The following PTPRD variants were observed in gnomAD, a reference collection of about 807,000 sequenced individuals.
The protein encoded by PTPRD is protein tyrosine phosphatase receptor type D.
Under a neutral mutation model 214.5 loss-of-function variants are expected in PTPRD, and 34 were observed. The ratio of observed to expected loss-of-function variants is 0.16; its 90% CI spans 0.12 to 0.21. The LOEUF (loss-of-function observed/expected upper bound fraction) is 0.21. Among genes scored for constraint, PTPRD ranks in the 10% least tolerant of loss-of-function variants. The pLI, the probability that PTPRD is intolerant of heterozygous loss-of-function variation, is 1.00. For missense variants in PTPRD, 2,545 were observed against 2,398.7 expected (o/e 1.06, Z -1.27); for synonymous variants, 1,128 against 845.7 (o/e 1.33, Z -5.79).
chr9:8,961,948 A>AAT (rs2099160946), intron 11 of PTPRD, among the ~76,000 whole-genome samples: 1 of 152,110 alleles, frequency 6.6e-6, no homozygotes, highest in East Asian at 1.9e-4. Flanking sequence ...ATTATATAGG[A>AAT]ATATATATGA....
intron 11 of PTPRD, among the ~76,000 whole-genome samples, chr9:8,944,289 A>C (rs1254631624): frequency 6.6e-6 from 1 of 152,112 alleles, no homozygotes; most frequent in African/African-American, 2.4e-5. Context: ...GGGAATGCTC[A>C]TACACTGCTG....
chr9:9,702,352 A>C (rs2097523321), intron 7 of PTPRD, among the ~76,000 whole-genome samples: 1 of 152,166 alleles, frequency 6.6e-6, no homozygotes. Flanking sequence ...CAATAGTGTG[A>C]GATCACAACA....
intron 2 of PTPRD, among the ~76,000 whole-genome samples, chr9:10,437,941 C>T (rs1321599776): frequency 6.8e-6 from 1 of 147,804 alleles, no homozygotes; most frequent in Non-Finnish European, 1.5e-5. Flanking sequence ...CAAAAATGGA[C>T]ATACACACAA....
intron 3 of PTPRD, among the ~76,000 whole-genome samples, chr9:10,260,415 T>C (rs182983216): frequency 2.6e-5 from 4 of 152,336 alleles, no homozygotes; most frequent in East Asian, 3.9e-4. Flanking sequence ...TCAGTTTTTT[T>C]TGTCAACAGA....
intron 10 of PTPRD, among the ~76,000 whole-genome samples, chr9:9,089,741 G>A (rs1234619146): frequency 6.6e-6 from 1 of 152,144 alleles, no homozygotes; most frequent in African/African-American, 2.4e-5. Flanking sequence ...GAAGGGTAAT[G>A]TCAACATACT....
At chr9:9,608,465 A>G (rs569341346) in intron 7 of PTPRD, among the ~76,000 whole-genome samples, 81 of 152,198 alleles carry the variant, frequency 5.3e-4, no homozygotes, top group African/African-American at 1.9e-3. Context: ...GTAAAACATT[A>G]TTTCTCTAAA....
chr9:8,824,842 C>T (rs930175212), intron 11 of PTPRD, among the ~76,000 whole-genome samples: 2 of 152,062 alleles, frequency 1.3e-5, no homozygotes, highest in African/African-American at 4.8e-5. Flanking sequence ...ACTAATGAGA[C>T]TAGAATTTAA....
rs558706447 is a variant in PTPRD at position 9,942,172 on chromosome 9, T to C, written c.-471-3562A>G. The stretch of plus-strand genomic sequence containing the variant: ...CACATTGATTGGCATCTGTGTGTCT[T>C]TGCAAAATTTCCTTCTGGAAATACA... On this transcript the variant is annotated intron_variant, in intron 4 of 45. Coordinates refer to ENST00000381196, the MANE Select transcript of PTPRD (RefSeq NM_002839.4). 3.9e-5 allele frequency among the ~76,000 whole-genome samples: 6 copies of C among 152,240 alleles called. No individual in the cohort carries two copies. The East Asian group carries it at 7.7e-4, about 20-fold the overall frequency.
chr9:10,035,823 TA>T (rs34681377), intron 3 of PTPRD, among the ~76,000 whole-genome samples: 31,626 of 147,472 alleles, frequency 0.21, 3,758 homozygotes, highest in East Asian at 0.49. Context: ...TTTACTTCAT[TA>T]AAAAAAAAAA....
chr9:8,435,403 A>G (rs1234097564), intron 35 of PTPRD, among the ~76,000 whole-genome samples: 1 of 152,196 alleles, frequency 6.6e-6, no homozygotes, highest in African/African-American at 2.4e-5. Context: ...TAAGGCTGAT[A>G]CAACAGATAC....
At chr9:10,599,117 A>C (rs995832056) in intron 2 of PTPRD, among the ~76,000 whole-genome samples, 1 of 151,610 alleles carries the variant, frequency 6.6e-6, no homozygotes, top group African/African-American at 2.4e-5. Context: ...ATTTTCCTTG[A>C]TTTCAATTTA....
chr9:10,298,499 T>G (rs1318298300), intron 3 of PTPRD, among the ~76,000 whole-genome samples: 1 of 152,092 alleles, frequency 6.6e-6, no homozygotes, highest in African/African-American at 2.4e-5. Flanking sequence ...ATGCATCTTT[T>G]CATTCTGCTG....
At chr9:10,470,953 G>T (rs2099026952) in intron 2 of PTPRD, among the ~76,000 whole-genome samples, 1 of 152,134 alleles carries the variant, frequency 6.6e-6, no homozygotes, top group African/African-American at 2.4e-5. Context: ...TATACAAGAT[G>T]GAATATTATG....
At chr9:8,325,426 C>A (rs1466458284) in intron 44 of PTPRD, among the ~76,000 whole-genome samples, 3 of 148,780 alleles carry the variant, frequency 2.0e-5, no homozygotes, top group Admixed American at 7.0e-5. Context: ...ACTTCTGAGG[C>A]CTCTGTTCTG....
chr9:9,976,955 T>A (rs975373175), intron 4 of PTPRD, among the ~76,000 whole-genome samples: 1 of 152,160 alleles, frequency 6.6e-6, no homozygotes, highest in Non-Finnish European at 1.5e-5. Flanking sequence ...ATTAGGATAT[T>A]TTTCCATAAA....
intron 8 of PTPRD, among the ~76,000 whole-genome samples, chr9:9,520,550 C>T (rs1400351026): frequency 2.0e-5 from 3 of 152,094 alleles, no homozygotes; most frequent in Non-Finnish European, 2.9e-5. Flanking sequence ...AGCTGTTTAA[C>T]ATTTTATGCT....
chr9:9,074,533 T>C (rs1314558273), intron 10 of PTPRD, among the ~76,000 whole-genome samples: 1 of 152,074 alleles, frequency 6.6e-6, no homozygotes, highest in African/African-American at 2.4e-5. Flanking sequence ...TTTGGTAGAA[T>C]TTGGGAGTGA....
intron 7 of PTPRD, among the ~76,000 whole-genome samples, chr9:9,687,447 G>A (rs968678006): frequency 2.6e-5 from 4 of 151,672 alleles, no homozygotes; most frequent in Non-Finnish European, 5.9e-5. Flanking sequence ...CTGCCTATGG[G>A]AAACTGATTC....
chr9:8,964,568 A>G lies in PTPRD; in HGVS notation c.-104+54129T>C, dbSNP rs956240389. Among the ~76,000 whole-genome samples the G allele has an allele frequency of 4.6e-5, 7 of 151,832 alleles. No homozygotes were observed. The South Asian group carries it at 8.3e-4, about 18-fold the overall frequency. ...TCTCAATTTTATTCAGTTTAGCTCA[A>G]TTTTAGTTATTTCTTTCATTCTTCT... On this transcript the variant is annotated intron_variant, in intron 11 of 45. Transcript: ENST00000381196.
Sources: gnomAD v4.1 joint callset for allele counts (sites outside exome capture counted in the v4.1 genomes callset) on GRCh38, gnomAD v4.1.1 for gene constraint, MANE v1.5 for transcripts, NCBI Gene and HGNC (gene_info 2026-07-23, HGNC 2026-07-21) for gene names.